Variants in RNF150 observed in about 807,000 individuals in gnomAD.
RNF150 encodes ring finger protein 150.
RNF150 carries 24 observed loss-of-function variants against 39.3 expected under a neutral mutation model. The ratio of observed to expected loss-of-function variants is 0.61; its 90% confidence interval spans 0.44 to 0.86. RNF150 has a LOEUF of 0.86. RNF150 is among the 40% of genes least tolerant of loss of function. The probability of loss-of-function intolerance (pLI) is 0.00; values close to 1 mark genes in which losing one functional copy is unlikely to be tolerated. For missense variants in RNF150, 502 were observed against 587.8 expected (o/e 0.85, Z 1.51); for synonymous variants, 255 against 227.3 (o/e 1.12, Z -1.10).
intron 6 of RNF150, among the ~76,000 whole-genome samples, chr4:140,897,141 T>C (rs1460483655): frequency 6.6e-6 from 1 of 152,090 alleles, no homozygotes; most frequent in East Asian, 1.9e-4. Flanking sequence ...ATGTGTTCAG[T>C]GGGGAGATTC....
intron 1 of RNF150, among the ~76,000 whole-genome samples, chr4:140,984,449 T>C (rs1158638121): frequency 1.3e-5 from 2 of 152,140 alleles, no homozygotes; most frequent in African/African-American, 2.4e-5. Context: ...TAGAATTGAA[T>C]GCATTTTAGG....
At chr4:141,205,851 G>A (rs1457218916) in intron 1 of RNF150, among the ~76,000 whole-genome samples, 1 of 152,104 alleles carries the variant, frequency 6.6e-6, no homozygotes, top group Non-Finnish European at 1.5e-5. Flanking sequence ...TTGTGTATGT[G>A]TGCGCACACC....
chr4:140,891,551 C>T (rs1397465072), intron 6 of RNF150, among the ~76,000 whole-genome samples: 2 of 152,202 alleles, frequency 1.3e-5, no homozygotes, highest in Non-Finnish European at 2.9e-5. Context: ...TCCTCCATTC[C>T]TCCCCCTCCT....
intron 4 of RNF150, among the ~76,000 whole-genome samples, chr4:140,928,319 T>A (rs573889680): frequency 6.7e-6 from 1 of 150,304 alleles, no homozygotes; most frequent in Admixed American, 6.7e-5. Context: ...AAGGGCTCCC[T>A]AACAAAGTGA....
At chr4:141,147,528 G>T (rs1273996826) in intron 1 of RNF150, among the ~76,000 whole-genome samples, 1 of 152,228 alleles carries the variant, frequency 6.6e-6, no homozygotes, top group African/African-American at 2.4e-5. Flanking sequence ...GGTTGGGAAA[G>T]TTGCAAATTT....
chr4:141,104,157 C>T (rs1739117098), intron 1 of RNF150, among the ~76,000 whole-genome samples: 1 of 151,988 alleles, frequency 6.6e-6, no homozygotes, highest in Non-Finnish European at 1.5e-5. Flanking sequence ...TTGGCTCACC[C>T]CAAAGCCCTG....
At chr4:141,026,040 T>A (rs973515443) in intron 1 of RNF150, among the ~76,000 whole-genome samples, 3 of 152,150 alleles carry the variant, frequency 2.0e-5, no homozygotes, top group African/African-American at 7.2e-5. Flanking sequence ...GAAAGCTGTG[T>A]CTGCAAGCCA....
chr4:140,889,864 T>G (rs1729698403), intron 6 of RNF150, among the ~76,000 whole-genome samples: 1 of 152,170 alleles, frequency 6.6e-6, no homozygotes, highest in South Asian at 2.1e-4. Context: ...GTAATCTCCA[T>G]GAAGTCAGGA....
intron 3 of RNF150, among the ~76,000 whole-genome samples, chr4:140,948,748 G>A (rs1043843805): frequency 6.6e-6 from 1 of 152,110 alleles, no homozygotes; most frequent in Non-Finnish European, 1.5e-5. Flanking sequence ...CAACCTTGGG[G>A]TTCTGAATAC....
chr4:140,993,958 C>T (rs372817849), intron 1 of RNF150, among the ~76,000 whole-genome samples: 9 of 152,168 alleles, frequency 5.9e-5, no homozygotes, highest in African/African-American at 9.6e-5. Flanking sequence ...AACAAAGTTG[C>T]GTTTGTGGGT....
intron 1 of RNF150, among the ~76,000 whole-genome samples, chr4:140,983,887 G>A (rs527776184): frequency 5.1e-4 from 78 of 151,796 alleles, no homozygotes; most frequent in Non-Finnish European, 8.8e-4. Flanking sequence ...CTACAGGCAC[G>A]TGCCACCATG....
chr4:141,014,986 T>A (rs1560689319), intron 1 of RNF150, among the ~76,000 whole-genome samples: 1 of 152,214 alleles, frequency 6.6e-6, no homozygotes, highest in African/African-American at 2.4e-5. Context: ...TGTTTTTAGC[T>A]GATTTTTTTG....
At chr4:141,053,113 C>T (rs1276727135) in intron 1 of RNF150, among the ~76,000 whole-genome samples, 2 of 152,154 alleles carry the variant, frequency 1.3e-5, no homozygotes, top group Non-Finnish European at 1.5e-5. Context: ...ACGGTAAGTG[C>T]TGAAAAGTTA....
intron 6 of RNF150, among the ~76,000 whole-genome samples, chr4:140,876,048 T>C (rs1440016581): frequency 6.6e-6 from 1 of 152,196 alleles, no homozygotes; most frequent in Admixed American, 6.5e-5. Flanking sequence ...AGGTGGCCTA[T>C]TCTCCAGGAG....
At chr4:141,193,231 C>T (rs1429321728) in intron 1 of RNF150, among the ~76,000 whole-genome samples, 1 of 152,230 alleles carries the variant, frequency 6.6e-6, no homozygotes, top group East Asian at 1.9e-4. Context: ...GTGCCTAGCA[C>T]ATAATAAGCA....
intron 1 of RNF150, among the ~76,000 whole-genome samples, chr4:141,076,603 C>A (rs1302098827): frequency 6.6e-6 from 1 of 151,570 alleles, no homozygotes; most frequent in Non-Finnish European, 1.5e-5. Context: ...ATTTCAGCAC[C>A]TTTGTGGGTA....
At chr4:141,044,310 A>G (rs1007095842) in intron 1 of RNF150, among the ~76,000 whole-genome samples, 1 of 152,334 alleles carries the variant, frequency 6.6e-6, no homozygotes, top group Admixed American at 6.5e-5. Flanking sequence ...TTAGTAGCCC[A>G]TGAACAGAAC....
chr4:140,916,055 C>G (rs1053611104), intron 5 of RNF150, among the ~76,000 whole-genome samples: 2 of 152,156 alleles, frequency 1.3e-5, no homozygotes, highest in Admixed American at 1.3e-4. Context: ...ACGTCCCCAT[C>G]ATCAAAGACC....
At chr4:141,208,633 C>T (rs1215467387) in intron 1 of RNF150, among the ~76,000 whole-genome samples, 3 of 152,168 alleles carry the variant, frequency 2.0e-5, no homozygotes, top group Non-Finnish European at 4.4e-5. Context: ...TTACTGAATA[C>T]TCCAAGTCAA....
Sources: allele counts gnomAD v4.1 joint callset (sites outside exome capture counted in the v4.1 genomes callset), GRCh38; gene constraint gnomAD v4.1.1; transcripts MANE v1.5; gene names NCBI Gene and HGNC (gene_info 2026-07-23, HGNC 2026-07-21).